The following MCM3AP variants were observed in gnomAD, a reference collection of about 807,000 sequenced individuals.
MCM3AP encodes the protein minichromosome maintenance complex component 3 associated protein.
MCM3AP carries 126 observed loss-of-function variants against 184.1 expected under a neutral mutation model. The observed-to-expected ratio is 0.68, with a 90% CI of 0.59 to 0.79. The LOEUF (loss-of-function observed/expected upper bound fraction) is 0.79. Ranked by LOEUF, MCM3AP falls within the 30% of genes least tolerant of loss-of-function variation. The pLI is 0.00. For missense variants in MCM3AP, 2,496 were observed against 2,479.2 expected (o/e 1.01, Z -0.14); for synonymous variants, 1,002 against 979.3 (o/e 1.02, Z -0.43).
chr21:46,278,976 G>A (rs1293571806), intron 4 of MCM3AP, among the ~76,000 whole-genome samples: 1 of 145,798 alleles, frequency 6.9e-6, no homozygotes, highest in Non-Finnish European at 1.5e-5. Flanking sequence ...CCGGCCAGGA[G>A]ACAGCTCTTC....
At chr21:46,273,318 A>G (rs1601536162) in intron 7 of MCM3AP, 70 bp downstream of exon 7, 2 of 1,379,106 alleles carry the variant, frequency 1.5e-6, no homozygotes, top group Non-Finnish European at 2.0e-6. Flanking sequence ...ATAACAGAGT[A>G]ATAAAAATAT....
At chr21:46,273,367 C>G in intron 7 of MCM3AP, 21 bp downstream of exon 7, 7 of 1,606,676 alleles carry the variant, frequency 4.4e-6, no homozygotes, top group Non-Finnish European at 6.0e-6. Flanking sequence ...TTTTAGCATC[C>G]AGGTTGGAGG....
At position 46,270,544 on chromosome 21, in the gene MCM3AP, G is replaced by T; in HGVS notation, c.2485C>A (p.Pro829Thr). 6.2e-7 allele frequency: 1 copy of T among 1,611,564 alleles called. No individual in the cohort carries two copies. The highest frequency in any genetic ancestry group is 8.5e-7 in the Non-Finnish European group (1 of 1,178,986). ...DILREVQQFH[P>T]AVRNSSEVKF... Reference sequence around the variant, plus strand: ...ACCTCAGATGAGTTTCTAACAGCAGGATGGAACTGTTGTACTTCTCTGTTA... The same window carrying T: ...ACCTCAGATGAGTTTCTAACAGCAGTATGGAACTGTTGTACTTCTCTGTTA... The change falls in exon 9 of 28, where the codon CCT becomes ACT. Residue 829 changes from proline (P) to threonine (T), a missense_variant. By Grantham distance (38) the Pro-to-Thr change is conservative. Coordinates refer to ENST00000291688, the MANE Select transcript of MCM3AP (RefSeq NM_003906.5).
rs1183316936 is a variant in MCM3AP at position 46,251,590 on chromosome 21, GAA to G, written c.4227_4228del (p.Ser1410AlafsTer6). 9 of 1,612,520 alleles carry G rather than the reference GAA, an allele frequency of 5.6e-6. No individual in the cohort carries two copies. Among genetic ancestry groups the G allele is most frequent in the African/African-American group, 1.3e-5 (1 of 74,898 alleles). On this transcript the variant is annotated frameshift_variant, in exon 20 of 28. Transcript: ENST00000291688. LOFTEE classifies it high-confidence loss of function. ...TTTGCTGCTAAGTGAGTTGAAAAGC[GAA>G]AGCGTCTGAATCCCACCAGCATCGC...
At chr21:46,237,453 G>A (rs927170979) in intron 26 of MCM3AP, among the ~76,000 whole-genome samples, 2 of 51,522 alleles carry the variant, frequency 3.9e-5, no homozygotes, top group Non-Finnish European at 7.9e-5. Context: ...TGGCCAGGCC[G>A]GAGTGCAGTG....
In MCM3AP at chr21:46,256,839, C is replaced by G; in HGVS notation, c.3882G>C (p.Arg1294Ser). Residue 1294 changes from arginine to serine, a missense_variant, in exon 17 of 28, where the codon AGG (arginine) becomes AGC (serine). Physicochemically the swap from Arg to Ser is moderately radical, Grantham distance 110. Coordinates refer to ENST00000291688, the MANE Select transcript of MCM3AP (RefSeq NM_003906.5). ...ECPIAEENLA[R>S]GLLDLGHAGR... Reference sequence around the variant, plus strand: ...CTGCATGGCCCAGGTCCAGGAGGCCCCTGGCCAGGTTCTCTTCAGCAATGG... The same window carrying G: ...CTGCATGGCCCAGGTCCAGGAGGCCGCTGGCCAGGTTCTCTTCAGCAATGG... 6.4e-7 allele frequency: 1 copy of G among 1,570,792 alleles called. No homozygotes were observed. The highest frequency in any genetic ancestry group is 8.6e-7 in the Non-Finnish European group (1 of 1,157,894).
intron 12 of MCM3AP, 34 bp from the exon 13 acceptor site, chr21:46,264,251 G>T: frequency 7.3e-7 from 1 of 1,367,858 alleles, no homozygotes; most frequent in Non-Finnish European, 1.0e-6. Flanking sequence ...GTAATGGAAC[G>T]TCCCACCCAG....
chr21:46,244,878 T>A lies in MCM3AP; in HGVS notation c.4967A>T (p.Glu1656Val). 1.2e-6 allele frequency: 2 copies of A among 1,614,148 alleles called. No individual in the cohort carries two copies. Among genetic ancestry groups the A allele is most frequent in the South Asian group, 2.2e-5 (2 of 91,082 alleles). Residue 1656 changes from glutamate (E) to valine (V), a missense_variant, in exon 23 of 28, where the codon GAG (glutamate) becomes GTG (valine). Around this residue, in one of 5 missense-constraint regions of MCM3AP, gnomAD observed 1,323 missense variants for 1,273.4 expected, o/e 1.04. Transcript: ENST00000291688. The part of the protein sequence containing the change: ...LLPHLHWNAP[E>V]HLAWLKQAVL... ...AGCCTGCTTCAGCCAGGCCAGGTGC[T>A]CTGGGGCATTCCAGTGCAGGTGAGG...
chr21:46,245,513 T>C (rs541337590), intron 22 of MCM3AP, among the ~76,000 whole-genome samples: 1 of 152,344 alleles, frequency 6.6e-6, no homozygotes, highest in South Asian at 2.1e-4. Context: ...CCCTTCACCA[T>C]GCACAGAAAT....
chr21:46,280,017 C>A lies in MCM3AP; in HGVS notation c.1643G>T (p.Gly548Val). Residue 548 changes from glycine to valine, a missense_variant, in exon 4 of 28, where the codon GGT becomes GTT. By Grantham distance (109) the Gly-to-Val change is moderately radical. This residue lies in a region of MCM3AP where 800 missense variants were observed against 717.1 expected (regional missense o/e 1.12). Transcript: ENST00000291688. ...SPLGKAAGRT[G>V]ASSLLNKSSP... Reference sequence around the variant, plus strand: ...CCTTTTATTCAGGAGGCTGCTAGCACCAGTCCTCCCTGCGGCCTTGCCAAG... The same window carrying A: ...CCTTTTATTCAGGAGGCTGCTAGCAACAGTCCTCCCTGCGGCCTTGCCAAG... 5 of 1,613,654 alleles carry A rather than the reference C, an allele frequency of 3.1e-6. No homozygotes were observed. The highest frequency in any genetic ancestry group is 4.2e-6 in the Non-Finnish European group (5 of 1,179,860).
At chr21:46,265,817 G>T in intron 11 of MCM3AP, 108 bp downstream of exon 11, 1 of 1,363,844 alleles carries the variant, frequency 7.3e-7, no homozygotes, top group East Asian at 2.3e-5. Context: ...AGGTGCTCAG[G>T]CTCCTGGGAG....
At chr21:46,241,875 A>G (rs1281988019) in intron 25 of MCM3AP, 1 of 152,214 alleles carries the variant, frequency 6.6e-6, no homozygotes, top group East Asian at 1.9e-4. Context: ...CTCCACTCCT[A>G]TTATGAAGAT....
chr21:46,249,791 A>G (rs1367852384), intron 20 of MCM3AP: 2 of 285,366 alleles, frequency 7.0e-6, no homozygotes, highest in African/African-American at 4.6e-5. Flanking sequence ...CTCAAGAGCC[A>G]GATGAGCATC....
intron 2 of MCM3AP, among the ~76,000 whole-genome samples, chr21:46,281,952 T>C (rs2081339247): frequency 6.6e-6 from 1 of 151,932 alleles, no homozygotes; most frequent in Non-Finnish European, 1.5e-5. Context: ...GAGCCAAGAT[T>C]GCGCCACTAC....
intron 25 of MCM3AP, 73 bp from the exon 26 acceptor site, chr21:46,241,090 T>TA (rs2123812335): frequency 8.9e-7 from 1 of 1,118,480 alleles, no homozygotes; most frequent in African/African-American, 1.5e-5. Context: ...AGCATGTAGA[T>TA]ACATTTGCAC....
intron 27 of MCM3AP, 124 bp from the exon 28 acceptor site, chr21:46,235,550 A>G: frequency 1.3e-6 from 1 of 773,258 alleles, no homozygotes; most frequent in Non-Finnish European, 2.1e-6. Flanking sequence ...ATTTTTACAG[A>G]GGGAAAAAAA....
intron 16 of MCM3AP, 133 bp from the exon 17 acceptor site, chr21:46,257,119 G>T (rs554206936): frequency 8.0e-7 from 1 of 1,247,772 alleles, no homozygotes; most frequent in Non-Finnish European, 1.1e-6. Flanking sequence ...ACTACCGAAC[G>T]TTAACAGTTA....
At chr21:46,278,618 C>G (rs1222109212) in intron 4 of MCM3AP, among the ~76,000 whole-genome samples, 1 of 152,176 alleles carries the variant, frequency 6.6e-6, no homozygotes, top group Non-Finnish European at 1.5e-5. Flanking sequence ...CCGACCGTGT[C>G]TGCTTCACTG....
rs151096094 is a variant in MCM3AP, at chr21:46,255,527, G to A, written c.3933-683C>T. 3.1e-3 allele frequency among the ~76,000 whole-genome samples: 471 copies of A among 152,238 alleles called. 3 individuals carry two copies. The highest frequency in any genetic ancestry group is 0.011 in the African/African-American group (436 of 41,518). On this transcript the variant is annotated intron_variant, in intron 17 of 27. Coordinates refer to ENST00000291688, the MANE Select transcript of MCM3AP (RefSeq NM_003906.5). ...AGGTGGAGAGAACTGCCATGCCCTC[G>A]GTGCTGGGTCTGAGAGAGATGCAAG...
Sources: gnomAD v4.1 joint callset for allele counts (sites outside exome capture counted in the v4.1 genomes callset) on GRCh38, gnomAD v4.1.1 for gene constraint, gnomAD v4.1.1 regional missense constraint, MANE v1.5 for transcripts, NCBI Gene and HGNC (gene_info 2026-07-23, HGNC 2026-07-21) for gene names.